The following TRIQK variants were observed in gnomAD, a reference collection of about 807,000 sequenced individuals.
TRIQK encodes the protein triple QxxK/R motif containing.
TRIQK carries 10 observed loss-of-function variants against 10.8 expected under a neutral mutation model. The observed-to-expected ratio is 0.92, with a 90% CI of 0.57 to 1.57. The LOEUF is 1.57. Ranked by LOEUF, TRIQK falls within the 40% of genes most tolerant of loss-of-function variation. The pLI is 0.00. For synonymous variants in TRIQK, 33 were observed against 33.7 expected (o/e 0.98, Z 0.07); for missense variants, 107 against 97.7 (o/e 1.09, Z -0.40).
chr8:92,967,544 A>G (rs1489939807), upstream of TRIQK, among the ~76,000 whole-genome samples: 1 of 152,086 alleles, frequency 6.6e-6, no homozygotes. Context: ...TGGTTTGGCC[A>G]GGTGTGGTGG....
At chr8:92,907,915 T>G (rs1563623330) in intron 3 of TRIQK, among the ~76,000 whole-genome samples, 2 of 152,156 alleles carry the variant, frequency 1.3e-5, no homozygotes, top group Admixed American at 6.5e-5. Flanking sequence ...TTTAAATACC[T>G]TATTGTCATC....
At chr8:92,994,283 T>G (rs973154606) in intron 1 of TRIQK, among the ~76,000 whole-genome samples, 1 of 152,194 alleles carries the variant, frequency 6.6e-6, no homozygotes, top group African/African-American at 2.4e-5. Context: ...AAATTCCACC[T>G]TCTATATTTA....
chr8:93,002,242 A>G (rs1813218044), intron 1 of TRIQK, among the ~76,000 whole-genome samples: 1 of 152,166 alleles, frequency 6.6e-6, no homozygotes, highest in Non-Finnish European at 1.5e-5. Context: ...TAAACCCCAT[A>G]AACTAAATTA....
At chr8:92,961,731 T>G (rs1812466975) in intron 1 of TRIQK, among the ~76,000 whole-genome samples, 1 of 152,192 alleles carries the variant, frequency 6.6e-6, no homozygotes, top group Admixed American at 6.5e-5. Flanking sequence ...AAAACAAATG[T>G]TATTTGGATT....
rs1292246515 is a variant in TRIQK, at chr8:92,920,525, T to TA, written c.-21-3516dup. Among the ~76,000 whole-genome samples, 60 of 145,130 alleles carry TA rather than the reference T, an allele frequency of 4.1e-4. No individual in the cohort carries two copies. In the East Asian group the frequency reaches 7.0e-3, roughly 17 times the overall value. On this transcript the variant is annotated intron_variant, in intron 2 of 4. Coordinates refer to ENST00000521988, the MANE Select transcript of TRIQK (RefSeq NM_001171797.2). ...AAAGACCCATGAAAACTTATCAGCT[T>TA]AAAAAAAAAGAAAAAAAAAAGAGAG... is the stretch of plus-strand genomic sequence containing the variant.
intron 3 of TRIQK, among the ~76,000 whole-genome samples, chr8:92,898,197 A>C (rs1808711917): frequency 6.6e-6 from 1 of 152,146 alleles, no homozygotes; most frequent in Admixed American, 6.6e-5. Flanking sequence ...CTCTAAGTAA[A>C]GTCAAATAAA....
chr8:92,959,313 G>A (rs1052743696), intron 1 of TRIQK, among the ~76,000 whole-genome samples: 4 of 151,884 alleles, frequency 2.6e-5, no homozygotes, highest in Non-Finnish European at 4.4e-5. Flanking sequence ...TGGCATAAAT[G>A]AGTCAGAAGT....
At chr8:92,895,465 A>G (rs946409798) in intron 3 of TRIQK, among the ~76,000 whole-genome samples, 5 of 152,172 alleles carry the variant, frequency 3.3e-5, no homozygotes, top group African/African-American at 1.2e-4. Flanking sequence ...CTGTATTGCC[A>G]TGAAGGAAGC....
intron 1 of TRIQK, among the ~76,000 whole-genome samples, chr8:92,990,601 G>A (rs557022720): frequency 9.2e-4 from 140 of 152,208 alleles, no homozygotes; most frequent in African/African-American, 3.2e-3. Context: ...GCCCACAGAG[G>A]GCAAGCTGAA....
At chr8:92,954,745 TA>T (rs1275025759) in intron 1 of TRIQK, among the ~76,000 whole-genome samples, 181 bp from the exon 2 acceptor site, 1 of 151,912 alleles carries the variant, frequency 6.6e-6, no homozygotes, top group Non-Finnish European at 1.5e-5. Flanking sequence ...TGTTGCATAT[TA>T]TGCCCCATTT....
chr8:92,982,457 C>T (rs1320648956), intron 1 of TRIQK, among the ~76,000 whole-genome samples: 1 of 151,906 alleles, frequency 6.6e-6, no homozygotes, highest in Non-Finnish European at 1.5e-5. Context: ...TGCATGTGTA[C>T]AAAACAAGAC....
intron 1 of TRIQK, among the ~76,000 whole-genome samples, chr8:92,990,271 C>CA (rs1363302641): frequency 6.6e-6 from 1 of 152,100 alleles, no homozygotes; most frequent in Non-Finnish European, 1.5e-5. Flanking sequence ...TTAAATTAAC[C>CA]AGAACATCTG....
At chr8:92,920,672 AG>A (rs1412970514) in intron 2 of TRIQK, among the ~76,000 whole-genome samples, 2 of 151,818 alleles carry the variant, frequency 1.3e-5, no homozygotes, top group Non-Finnish European at 3.0e-5. Context: ...AAGCACAGAA[AG>A]AAAGTGGACA....
At chr8:93,000,495 G>C (rs1322154211) in intron 1 of TRIQK, among the ~76,000 whole-genome samples, 2 of 152,118 alleles carry the variant, frequency 1.3e-5, no homozygotes, top group Non-Finnish European at 2.9e-5. Flanking sequence ...GGAAAAGCCT[G>C]TTCCAATGAT....
intron 4 of TRIQK, among the ~76,000 whole-genome samples, chr8:92,889,276 A>C (rs1816642431): frequency 6.6e-6 from 1 of 151,616 alleles, no homozygotes; most frequent in Non-Finnish European, 1.5e-5. Context: ...TTTCTCAATC[A>C]GTACTGTTGA....
At chr8:92,946,702 T>C (rs1271540056) in intron 2 of TRIQK, among the ~76,000 whole-genome samples, 1 of 152,000 alleles carries the variant, frequency 6.6e-6, no homozygotes, top group African/African-American at 2.4e-5. Context: ...GATTGAACCA[T>C]ATTTCTCCTT....
chr8:92,905,690 A>G (rs1247697641), intron 3 of TRIQK, among the ~76,000 whole-genome samples: 6 of 152,174 alleles, frequency 3.9e-5, no homozygotes, highest in Non-Finnish European at 8.8e-5. Flanking sequence ...GCTGTGACAG[A>G]TACTCTATCT....
intron 2 of TRIQK, among the ~76,000 whole-genome samples, chr8:92,917,270 T>C (rs995475564): frequency 3.3e-5 from 5 of 152,032 alleles, no homozygotes; most frequent in Admixed American, 6.5e-5. Context: ...TTAAACCATA[T>C]TGTTAAATAA....
At chr8:92,950,318 T>C (rs183081967) in intron 2 of TRIQK, among the ~76,000 whole-genome samples, 1 of 152,244 alleles carries the variant, frequency 6.6e-6, no homozygotes, top group East Asian at 1.9e-4. Flanking sequence ...ATATTTACTG[T>C]GAGAACCTAG....
Sources: gnomAD v4.1 joint callset for allele counts (sites outside exome capture counted in the v4.1 genomes callset) on GRCh38, gnomAD v4.1.1 for gene constraint, MANE v1.5 for transcripts, NCBI Gene and HGNC (gene_info 2026-07-23, HGNC 2026-07-21) for gene names.